Variants in DHX38 observed in about 807,000 individuals in gnomAD.
DHX38 encodes DEAH-box helicase 38, also known as pre-mRNA-splicing factor ATP-dependent RNA helicase PRP16.
A neutral mutation model predicts 153.1 loss-of-function variants in DHX38; 100 were observed. That is an observed-to-expected ratio of 0.65 (90% CI 0.56 to 0.77). The LOEUF is 0.77. Among genes scored for constraint, DHX38 ranks in the 30% least tolerant of loss-of-function variants. DHX38 has a pLI of 0.00. For missense variants in DHX38, 1,440 were observed against 1,654.0 expected, an observed-to-expected ratio of 0.87 and a Z score of 2.24; for synonymous variants, 650 against 631.7, an observed-to-expected ratio of 1.03 and a Z score of -0.43.
chr16:72,107,633 C>T lies in DHX38; in HGVS notation c.2810-12C>T, dbSNP rs769780109. The stretch of plus-strand genomic sequence containing the variant: ...GTCCCGTCAAATATCCGGGTTTGCT[C>T]ATCTCTCCTAGGTGGTCTGACCTCT... On this transcript the variant is annotated splice_polypyrimidine_tract_variant and intron_variant, in intron 20 of 26. Coordinates refer to ENST00000268482, the MANE Select transcript of DHX38 (RefSeq NM_014003.4). The surrounding 1 kb of genome is among the most constrained non-coding windows in gnomAD (Gnocchi z 5.3). The T allele has an allele frequency of 8.7e-6, 14 of 1,612,554 alleles. No homozygotes were observed. Among genetic ancestry groups the T allele is most frequent in the Non-Finnish European group, 1.1e-5 (13 of 1,178,828 alleles).
rs765927258 is a variant in DHX38, at chr16:72,096,982, C to A, written c.484C>A (p.Arg162=). 4 of 1,613,916 alleles carry A rather than the reference C, an allele frequency of 2.5e-6. No individual in the cohort carries two copies. In the South Asian group the frequency reaches 4.4e-5, roughly 18 times the overall value. Residue 162 remains arginine, a synonymous_variant, in exon 3 of 27, where the codon CGA becomes AGA. Coordinates refer to ENST00000268482, the MANE Select transcript of DHX38 (RefSeq NM_014003.4). ...KDWKKEKSRD[R]DYDRKRDRDE... The stretch of plus-strand genomic sequence containing the variant: ...TTGGAAGAAGGAGAAATCGCGGGAT[C>A]GAGACTATGACCGCAAGAGGGACAG...
Position 72,112,490 on chromosome 16 carries a change from GTCTGT to G in DHX38, c.3678_3682del (p.Leu1227SerfsTer2), listed in dbSNP as rs776387719. ...CCTCGCCGCACGCCAGCCCGCTTTGGTCTGTGAGCTGAGGCTGTCCCCAGAGAGGA... is the reference window on the plus strand; with the variant it reads ...CCTCGCCGCACGCCAGCCCGCTTTGGGAGCTGAGGCTGTCCCCAGAGAGGA... On this transcript the variant is annotated frameshift_variant and stop_lost, in exon 27 of 27. Transcript: ENST00000268482. LOFTEE classifies it high-confidence loss of function. 6.2e-7 allele frequency: 1 copy of G among 1,612,214 alleles called. No homozygotes were observed. Among genetic ancestry groups the G allele is most frequent in the Admixed American group, 1.7e-5 (1 of 60,036 alleles).
At chr16:72,105,397 A>G in intron 17 of DHX38, 49 bp downstream of exon 17, 1 of 1,605,148 alleles carries the variant, frequency 6.2e-7, no homozygotes. Flanking sequence ...TCTCTAAAGG[A>G]AGCGAGAGGG....
At chr16:72,101,900 A>T (rs371382071) in intron 11 of DHX38, among the ~76,000 whole-genome samples, 7 of 152,286 alleles carry the variant, frequency 4.6e-5, no homozygotes, top group African/African-American at 1.7e-4. Flanking sequence ...CCAGCTTGTC[A>T]GTGAGGGAGT....
At chr16:72,100,027 G>C in intron 8 of DHX38, 140 bp downstream of exon 8, 1 of 1,188,026 alleles carries the variant, frequency 8.4e-7, no homozygotes, top group Non-Finnish European at 1.2e-6. Flanking sequence ...AGGTGGAAGA[G>C]GAGTGGGTGA....
Position 72,111,064 on chromosome 16 carries a change from CT to C in DHX38, c.3587del (p.Leu1196ArgfsTer21). ...RRQEQEKRSP[L>X]GSVRSTKIYT... ...GCAGGAGCAGGAGAAGCGCAGCCCC[CT>C]GGGCAGTGTCAGGTGAGCTCCGGCC... On this transcript the variant is annotated frameshift_variant, in exon 26 of 27. Transcript: ENST00000268482. LOFTEE classifies it high-confidence loss of function. 2 of 1,566,354 alleles carry C rather than the reference CT, an allele frequency of 1.3e-6. No individual in the cohort carries two copies. The highest frequency in any genetic ancestry group is 1.7e-6 in the Non-Finnish European group (2 of 1,156,008).
intron 7 of DHX38, 63 bp downstream of exon 7, chr16:72,099,343 T>G: frequency 7.0e-7 from 1 of 1,434,464 alleles, no homozygotes; most frequent in Non-Finnish European, 9.5e-7. Context: ...TGGGTGACCC[T>G]CTAGCAGGAC....
chr16:72,096,045 G>C (rs920984783), intron 1 of DHX38, 94 bp from the exon 2 acceptor site: 34 of 1,314,448 alleles, frequency 2.6e-5, no homozygotes, highest in South Asian at 1.7e-4. Flanking sequence ...AGATGGGGAA[G>C]GTTAATCACC....
intron 25 of DHX38, 51 bp from the exon 26 acceptor site, chr16:72,110,905 C>G: frequency 1.3e-6 from 2 of 1,527,772 alleles, no homozygotes; most frequent in South Asian, 2.4e-5. Context: ...ACGAGGCCTC[C>G]TTCCTTAGTG....
chr16:72,099,218 G>A lies in DHX38; in HGVS notation c.898G>A (p.Gly300Ser), dbSNP rs2042063699. 2 of 1,612,066 alleles carry A rather than the reference G, an allele frequency of 1.2e-6. No homozygotes were observed. Among genetic ancestry groups the A allele is most frequent in the South Asian group, 1.1e-5 (1 of 90,832 alleles). The part of the protein sequence containing the change: ...LSRGRGRREE[G>S]EEGISFDTEE... ...TGCTCCTCCAGGAAGACGTGAGGAGGGCGAAGAAGGAATTTCATTTGACAC... is the reference window on the plus strand; with the variant it reads ...TGCTCCTCCAGGAAGACGTGAGGAGAGCGAAGAAGGAATTTCATTTGACAC... Residue 300 changes from glycine to serine, a missense_variant, in exon 7 of 27, where the codon GGC becomes AGC. Physicochemically the swap from Gly to Ser is moderately conservative, Grantham distance 56 (BLOSUM62 0). This residue lies in a region of DHX38 where 483 missense variants were observed against 465.1 expected (regional missense o/e 1.04). Transcript: ENST00000268482.
In DHX38 at chr16:72,096,395, A is replaced by G. The variant is rs995120414; in HGVS notation, c.238A>G (p.Lys80Glu). Residue 80 changes from lysine to glutamate, a missense_variant, in exon 2 of 27, where the codon AAG (lysine) becomes GAG (glutamate). Lys to Glu is a moderately conservative substitution (Grantham distance 56). This residue lies in a region of DHX38 where 483 missense variants were observed against 465.1 expected (regional missense o/e 1.04). Transcript: ENST00000268482. ...DKKKSKVSSYKDWEESKDDQK... is the reference protein window; with the variant it reads ...DKKKSKVSSYEDWEESKDDQK... ...GAAGAAGTCCAAAGTCTCCTCCTAC[A>G]AGGACTGGGAAGAGAGCAAGGATGA... is the stretch of plus-strand genomic sequence containing the variant. 1 of 1,614,166 alleles carries G rather than the reference A, an allele frequency of 6.2e-7. No individual in the cohort carries two copies. The highest frequency in any genetic ancestry group is 1.3e-5 in the African/African-American group (1 of 75,054).
intron 26 of DHX38, chr16:72,112,181 A>T: frequency 1.7e-6 from 1 of 571,762 alleles, no homozygotes; most frequent in Non-Finnish European, 3.1e-6. Context: ...CTGTGGGAGG[A>T]GTTGTTAAAA....
intron 24 of DHX38, 88 bp from the exon 25 acceptor site, chr16:72,109,327 C>G: frequency 6.9e-7 from 1 of 1,443,102 alleles, no homozygotes; most frequent in African/African-American, 1.4e-5. Context: ...GGATTGGGCC[C>G]TTCCCATGTG....
In DHX38 at chr16:72,107,712, C is replaced by T. The variant is rs750232600; in HGVS notation, c.2877C>T (p.Leu959=). 1 of 1,614,158 alleles carries T rather than the reference C, an allele frequency of 6.2e-7. No homozygotes were observed. Among genetic ancestry groups the T allele is most frequent in the Non-Finnish European group, 8.5e-7 (1 of 1,180,030 alleles). ...FPLDPALSKM[L]IVSCDMGCSS... Reference sequence around the variant, plus strand: ...TGGACCCTGCCCTGTCCAAGATGCTCATCGTGTCCTGTGACATGGGCTGCA... The same window carrying T: ...TGGACCCTGCCCTGTCCAAGATGCTTATCGTGTCCTGTGACATGGGCTGCA... Residue 959 remains leucine (L), a synonymous_variant, in exon 21 of 27, where the codon CTC becomes CTT. Coordinates refer to ENST00000268482, the MANE Select transcript of DHX38 (RefSeq NM_014003.4). The surrounding 1 kb of genome is among the most constrained non-coding windows in gnomAD (Gnocchi z 5.3).
At chr16:72,112,080 T>G in intron 26 of DHX38, 1 of 347,716 alleles carries the variant, frequency 2.9e-6, no homozygotes, top group Non-Finnish European at 5.4e-6. Context: ...TAGAGTTGGC[T>G]CCTAGGCACT....
At chr16:72,097,324 C>T in intron 3 of DHX38, 1 of 403,080 alleles carries the variant, frequency 2.5e-6, no homozygotes, top group East Asian at 4.3e-5. Flanking sequence ...AAGGACAGTG[C>T]TATGGAACAA....
intron 3 of DHX38, 63 bp from the exon 4 acceptor site, chr16:72,097,614 G>C (rs922362170): frequency 6.7e-7 from 1 of 1,503,684 alleles, no homozygotes; most frequent in Non-Finnish European, 9.1e-7. Flanking sequence ...CTTTCTCTAG[G>C]GTGAAGATGT....
chr16:72,101,050 T>A, intron 9 of DHX38, 36 bp from the exon 10 acceptor site: 2 of 1,603,290 alleles, frequency 1.2e-6, no homozygotes, highest in Non-Finnish European at 1.7e-6. Context: ...TCTTGCTGAT[T>A]TTAACGGGCA....
intron 23 of DHX38, 22 bp from the exon 24 acceptor site, chr16:72,108,778 G>T (rs374211066): frequency 6.2e-7 from 1 of 1,608,516 alleles, no homozygotes; most frequent in South Asian, 1.1e-5. Context: ...TGATGTGGCT[G>T]CCTGTTGTGT....
Sources: gnomAD v4.1 joint callset for allele counts (sites outside exome capture counted in the v4.1 genomes callset) on GRCh38, gnomAD v4.1.1 for gene constraint, gnomAD v4.1.1 regional missense constraint, Gnocchi (gnomAD v3.1) non-coding constraint, MANE v1.5 for transcripts, NCBI Gene and HGNC (gene_info 2026-07-23, HGNC 2026-07-21) for gene names.